The following USP50 variants were observed in gnomAD, a reference collection of about 807,000 sequenced individuals.
USP50 encodes the protein ubiquitin specific peptidase 50.
USP50 carries 37 observed loss-of-function variants against 39.2 expected under a neutral mutation model. That is an observed-to-expected ratio of 0.94 (90% CI 0.73 to 1.24). USP50 has a LOEUF of 1.24. USP50 is among the 50% of genes most tolerant of loss of function. USP50 has a pLI of 0.00. For missense variants in USP50, 374 were observed against 398.2 expected (o/e 0.94, Z 0.52); for synonymous variants, 139 against 144.5 (o/e 0.96, Z 0.27).
At chr15:50,541,393 G>T in intron 3 of USP50, 129 bp from the exon 4 acceptor site, 1 of 705,928 alleles carries the variant, frequency 1.4e-6, no homozygotes, top group Non-Finnish European at 2.3e-6. Context: ...CACATCTGTG[G>T]TGCCAGCTAC....
chr15:50,546,323 T>A, intron 1 of USP50, 150 bp downstream of exon 1: 1 of 718,442 alleles, frequency 1.4e-6, no homozygotes, highest in East Asian at 2.7e-5. Flanking sequence ...TGCCAAGATA[T>A]TAGGTACAAT....
intron 5 of USP50, among the ~76,000 whole-genome samples, chr15:50,534,079 G>A (rs1177817739): frequency 6.6e-6 from 1 of 152,056 alleles, no homozygotes; most frequent in African/African-American, 2.4e-5. Context: ...TACATAAAAA[G>A]CACTGAAGAA....
At chr15:50,496,113 T>C, downstream of USP50, 1 of 1,525,508 alleles carries the variant, frequency 6.6e-7, no homozygotes, top group South Asian at 1.2e-5. Flanking sequence ...GAGAAAATGA[T>C]TTATTGGATA....
rs1393786468 is a variant in USP50, at chr15:50,494,256, T to C, written n.185-126A>G. The C allele has an allele frequency of 6.2e-7, 1 of 1,609,656 alleles. No homozygotes were observed. Among genetic ancestry groups the C allele is most frequent in the Non-Finnish European group, 8.5e-7 (1 of 1,179,016 alleles). The stretch of plus-strand genomic sequence containing the variant: ...AAGAATTGCTTCTGTTCCTAATGGA[T>C]GGTCTCCATGAAGATCTAAATAAAG... On this transcript the variant is annotated intron_variant and non_coding_transcript_variant, in intron 1 of 1. Coordinates refer to the USP50 transcript ENST00000560159.
intron 6 of USP50, among the ~76,000 whole-genome samples, chr15:50,525,528 ATATG>A (rs2052882285): frequency 1.1e-5 from 1 of 91,986 alleles, no homozygotes; most frequent in Non-Finnish European, 2.2e-5. Context: ...GTATATATGT[ATATG>A]TATATGTATA....
At chr15:50,532,160 T>C in intron 5 of USP50, 1 of 456,288 alleles carries the variant, frequency 2.2e-6, no homozygotes, top group South Asian at 1.5e-5. Flanking sequence ...CCACACTTTG[T>C]GAATTTTCCT....
At chr15:50,513,625 C>A (rs530616151) in intron 6 of USP50, 1 of 151,500 alleles carries the variant, frequency 6.6e-6, no homozygotes, top group South Asian at 2.1e-4. Context: ...AAAAGGCAGG[C>A]CACAGAATAG....
At chr15:50,495,345 C>T (rs1476204569) in intron 1 of USP50, among the ~76,000 whole-genome samples, 1 of 90,244 alleles carries the variant, frequency 1.1e-5, no homozygotes, top group East Asian at 3.2e-4. Context: ...TATACACATA[C>T]ATATATACAT....
At chr15:50,513,353 G>T (rs781672343) in intron 6 of USP50, 4 of 151,794 alleles carry the variant, frequency 2.6e-5, no homozygotes, top group African/African-American at 9.7e-5. Context: ...TACATCATAG[G>T]CTAGTGAAAT....
intron 1 of USP50, among the ~76,000 whole-genome samples, chr15:50,495,516 G>A (rs1454011791): frequency 1.3e-5 from 2 of 150,254 alleles, no homozygotes; most frequent in Admixed American, 1.3e-4. Flanking sequence ...TGCACAAGTT[G>A]GTCTCGAACT....
At chr15:50,523,583 A>G (rs1199875253) in intron 6 of USP50, among the ~76,000 whole-genome samples, 1 of 152,222 alleles carries the variant, frequency 6.6e-6, no homozygotes, top group Non-Finnish European at 1.5e-5. Flanking sequence ...AAATTTAACC[A>G]AGGAGGTGAA....
intron 6 of USP50, among the ~76,000 whole-genome samples, chr15:50,524,469 G>T (rs2052872885): frequency 6.6e-6 from 1 of 152,170 alleles, no homozygotes; most frequent in Admixed American, 6.5e-5. Context: ...AACCAGAACA[G>T]ATATTTCTCA....
downstream of USP50, chr15:50,497,248 GTCC>G (rs569932620): frequency 2.2e-5 from 35 of 1,592,040 alleles, no homozygotes; most frequent in East Asian, 4.1e-4. Flanking sequence ...GGGAAAGTTT[GTCC>G]TCCTGTTCAG....
At chr15:50,519,878 T>G (rs956210799) in intron 6 of USP50, among the ~76,000 whole-genome samples, 1 of 152,112 alleles carries the variant, frequency 6.6e-6, no homozygotes, top group African/African-American at 2.4e-5. Context: ...GCATGCAGAT[T>G]CCTCAGAGAA....
At chr15:50,503,590 T>A (rs1167228700) in intron 6 of USP50, 1 of 152,218 alleles carries the variant, frequency 6.6e-6, no homozygotes, top group Non-Finnish European at 1.5e-5. Flanking sequence ...TGTGTTAGCT[T>A]GGACTCATGG....
chr15:50,510,486 T>G (rs1426241991), intron 6 of USP50: 2 of 152,082 alleles, frequency 1.3e-5, no homozygotes, highest in African/African-American at 2.4e-5. Context: ...AAAAAAAACC[T>G]TGTGACAATT....
chr15:50,529,822 G>C lies in USP50; in HGVS notation c.911C>G (p.Pro304Arg), dbSNP rs190791438. 64 of 1,613,780 alleles carry C rather than the reference G, an allele frequency of 4.0e-5. No individual in the cohort carries two copies. The East Asian group carries it at 1.4e-3, about 34-fold the overall frequency. ...CACCACTGCACAGAGGTTGTATTTA[G>C]GATATTTCCGGAAAATTGAGCAAAT... ...PYICSIFRKY[P>R]KYNLCAVVNH... Residue 304 changes from proline (P) to arginine (R), a missense_variant, in exon 6 of 7, where the codon CCT becomes CGT. Coordinates refer to ENST00000532404, the MANE Select transcript of USP50 (RefSeq NM_203494.5).
chr15:50,499,118 T>C (rs370675207), downstream of USP50: 1 of 1,546,568 alleles, frequency 6.5e-7, no homozygotes, highest in African/African-American at 1.4e-5. Context: ...TAGTTATCTT[T>C]TAAAAGGCTC....
In USP50 at chr15:50,500,605, A is replaced by G; in HGVS notation, c.*164T>C. 1 of 596,694 alleles carries G rather than the reference A, an allele frequency of 1.7e-6. No homozygotes were observed. The highest frequency in any genetic ancestry group is 2.1e-5 in the South Asian group (1 of 47,264). The allele number at this position is 596,694 out of a possible 1,614,324, so 37.0% of individuals were successfully genotyped here. A position where few individuals can be genotyped will look rare whatever the true frequency, so the allele number is the denominator to read the frequency against. On this transcript the variant is annotated 3_prime_UTR_variant, in exon 7 of 7. Coordinates refer to ENST00000532404, the MANE Select transcript of USP50 (RefSeq NM_203494.5). ...TGACCAAGCAAAACTCTACCACCAG[A>G]TGCTGACTGCTTGTTTTGCAGTGTT...
Sources: allele counts gnomAD v4.1 joint callset (sites outside exome capture counted in the v4.1 genomes callset), GRCh38; gene constraint gnomAD v4.1.1; transcripts MANE v1.5; gene names NCBI Gene and HGNC (gene_info 2026-07-23, HGNC 2026-07-21).